ODAD3: variants seen among roughly 807,000 people sequenced by gnomAD.
ODAD3 encodes the protein outer dynein arm-docking complex subunit 3.
ODAD3 carries 57 observed loss-of-function variants against 70.9 expected under a neutral mutation model. That is an observed-to-expected ratio of 0.80 (90% CI 0.65 to 1.00). The LOEUF is 1.00. Ranked by LOEUF, ODAD3 falls within the 50% of genes least tolerant of loss-of-function variation. ODAD3 has a pLI of 0.00. For synonymous variants in ODAD3, 327 were observed against 315.9 expected (o/e 1.04, Z -0.37); for missense variants, 797 against 763.9 (o/e 1.04, Z -0.51).
At position 11,422,833 on chromosome 19, in the gene ODAD3, C is replaced by T. The variant is rs1381391963; in HGVS notation, c.1145G>A (p.Gly382Asp). 5 of 1,605,518 alleles carry T rather than the reference C, an allele frequency of 3.1e-6. No individual in the cohort carries two copies. Among genetic ancestry groups the T allele is most frequent in the Admixed American group, 3.3e-5 (2 of 60,016 alleles). The change falls in exon 9 of 13, where the codon GGC (glycine) becomes GAC (aspartate). Residue 382 changes from glycine (G) to aspartate (D), a missense_variant. Coordinates refer to ENST00000356392, the MANE Select transcript of ODAD3 (RefSeq NM_145045.5). This position sits in a 1 kb window ranked among gnomAD's most constrained non-coding sequence, Gnocchi z 4.6. ...CGTCTCCAACTGCGCGAAGGTGTCG[C>T]CCTGGGCCAGGAACCGCCGCACCAA... ...HSLVRRFLAQ[G>D]DTFAQLETLK... is the part of the protein sequence containing the mutation.
In ODAD3 at chr19:11,426,722, G is replaced by C; in HGVS notation, c.675C>G (p.His225Gln). The C allele has an allele frequency of 6.2e-7, 1 of 1,613,914 alleles. No individual in the cohort carries two copies. The highest frequency in any genetic ancestry group is 8.5e-7 in the Non-Finnish European group (1 of 1,179,880). ...KAQMKAQEAE[H>Q]ITSVYLQLKA... is the part of the protein sequence containing the mutation. Reference sequence around the variant, plus strand: ...TGAGCTGCAGGTACACGCTGGTAATGTGCTCGGCCTCCTGCGCCTTCATCT... The same window carrying C: ...TGAGCTGCAGGTACACGCTGGTAATCTGCTCGGCCTCCTGCGCCTTCATCT... The change falls in exon 5 of 13, where the codon CAC becomes CAG. Residue 225 changes from histidine (H) to glutamine (Q), a missense_variant. Coordinates refer to ENST00000356392, the MANE Select transcript of ODAD3 (RefSeq NM_145045.5).
intron 7 of ODAD3, 120 bp from the exon 8 acceptor site, chr19:11,424,149 A>G: frequency 1.6e-6 from 2 of 1,274,878 alleles, no homozygotes; most frequent in Non-Finnish European, 2.2e-6. Context: ...GAGGGAAGGG[A>G]GAGGGCAAAA....
chr19:11,426,400 G>A (rs1969375003), intron 6 of ODAD3, 46 bp downstream of exon 6: 1 of 1,612,344 alleles, frequency 6.2e-7, no homozygotes, highest in Non-Finnish European at 8.5e-7. Flanking sequence ...CAAGCTGGGA[G>A]ACCGCGGCAG....
At chr19:11,429,199 T>TTTTG (rs555923258) in intron 3 of ODAD3, among the ~76,000 whole-genome samples, 7 of 151,268 alleles carry the variant, frequency 4.6e-5, no homozygotes, top group Admixed American at 2.0e-4. Flanking sequence ...TATCTTTTGT[T>TTTTG]TTTGTTTGTT....
intron 1 of ODAD3, among the ~76,000 whole-genome samples, chr19:11,432,943 G>A (rs540594966): frequency 3.3e-4 from 50 of 152,054 alleles, no homozygotes; most frequent in Admixed American, 7.9e-4. Flanking sequence ...ACAGGCGTGC[G>A]CCACCATGCC....
At chr19:11,430,448 T>C in intron 3 of ODAD3, 1 of 528,098 alleles carries the variant, frequency 1.9e-6, no homozygotes, top group Admixed American at 3.4e-5. Flanking sequence ...GTGATGTTTT[T>C]TTTTTTAACT....
In ODAD3 at chr19:11,425,104, T is replaced by C. The variant is rs1417775896; in HGVS notation, c.963+1040A>G. Among the ~76,000 whole-genome samples the C allele has an allele frequency of 6.7e-5, 9 of 135,226 alleles. 2 individuals are homozygous for C. Among genetic ancestry groups the C allele is most frequent in the African/African-American group, 2.5e-4 (8 of 31,734 alleles). The allele number at this position is 135,226 out of a possible 152,430, so 88.7% of individuals were successfully genotyped here. Reference sequence around the variant, plus strand: ...GTATATGTACATATGTGTATATATGTATATATGTGTATATGTACATATGTG... The same window carrying C: ...GTATATGTACATATGTGTATATATGCATATATGTGTATATGTACATATGTG... On this transcript the variant is annotated intron_variant, in intron 7 of 12. Coordinates refer to ENST00000356392, the MANE Select transcript of ODAD3 (RefSeq NM_145045.5).
intron 1 of ODAD3, among the ~76,000 whole-genome samples, chr19:11,432,096 G>A (rs1969515844): frequency 1.3e-5 from 2 of 152,074 alleles, no homozygotes; most frequent in South Asian, 4.1e-4. Flanking sequence ...GGGCAACAGA[G>A]CAAGACTCTG....
At chr19:11,433,375 T>C (rs1479245385) in intron 1 of ODAD3, among the ~76,000 whole-genome samples, 1 of 152,216 alleles carries the variant, frequency 6.6e-6, no homozygotes, top group East Asian at 1.9e-4. Flanking sequence ...CTCAATGTCT[T>C]AGGACATTGC....
At chr19:11,435,675 G>T (rs1488555650), upstream of ODAD3, 1 of 1,302,876 alleles carries the variant, frequency 7.7e-7, no homozygotes, top group African/African-American at 1.5e-5. Context: ...CAAGAGGGGT[G>T]CGGTGGATAC....
intron 7 of ODAD3, among the ~76,000 whole-genome samples, chr19:11,425,144 TACATATGTATATATAC>T (rs1969277530): frequency 1.5e-5 from 2 of 130,354 alleles, no homozygotes; most frequent in South Asian, 4.7e-4. Flanking sequence ...TGTGTATATG[TACATATGTATATATAC>T]ATATGTGTAT....
chr19:11,426,200 CACTT>C lies in ODAD3; in HGVS notation c.903_906del (p.Ile301MetfsTer56), dbSNP rs759213872. On this transcript the variant is annotated frameshift_variant, in exon 7 of 13. Coordinates refer to ENST00000356392, the MANE Select transcript of ODAD3 (RefSeq NM_145045.5). LOFTEE classifies it high-confidence loss of function. ...TTCTCCTCGGCGCGCTTCTTGCACT[CACTT>C]ATGTAGCGTTCCCGCTTCTTGCGCT... 6.2e-6 allele frequency: 10 copies of C among 1,613,692 alleles called. No individual in the cohort carries two copies. Among genetic ancestry groups the C allele is most frequent in the Admixed American group, 1.7e-5 (1 of 59,976 alleles).
intron 11 of ODAD3, 114 bp downstream of exon 11, chr19:11,421,563 T>C (rs1256048124): frequency 1.5e-6 from 2 of 1,379,294 alleles, no homozygotes; most frequent in African/African-American, 1.4e-5. Flanking sequence ...CCGAGACCCC[T>C]TCCTGGCTGA....
At chr19:11,435,277 G>GTGGGCGGTCCCAACAT (rs1239185661), upstream of ODAD3, 1 of 1,185,164 alleles carries the variant, frequency 8.4e-7, no homozygotes, top group Non-Finnish European at 1.1e-6. Flanking sequence ...GGTCCCAACA[G>GTGGGCGGTCCCAACAT]TGGGCGGGGT....
Position 11,420,844 on chromosome 19 carries a change from C to G in ODAD3, c.1779G>C (p.Arg593=). Residue 593 remains arginine (R), a synonymous_variant, in exon 13 of 13, where the codon CGG becomes CGC. Coordinates refer to ENST00000356392, the MANE Select transcript of ODAD3 (RefSeq NM_145045.5). The part of the protein sequence containing the change: ...IESHKKHRRS[R]RS ...GGGTGTCAGGACGAGTCTAGGACCT[C>G]CGAGAGCGACGGTGCTTCTTGTGAC... is the stretch of plus-strand genomic sequence containing the variant. The G allele has an allele frequency of 6.2e-7, 1 of 1,613,988 alleles. No individual in the cohort carries two copies. The highest frequency in any genetic ancestry group is 1.1e-5 in the South Asian group (1 of 91,076).
In ODAD3 at chr19:11,426,459, C is replaced by T; in HGVS notation, c.827G>A (p.Arg276Gln). The T allele has an allele frequency of 1.2e-6, 2 of 1,614,004 alleles. No homozygotes were observed. The highest frequency in any genetic ancestry group is 1.7e-6 in the Non-Finnish European group (2 of 1,179,940). Residue 276 changes from arginine to glutamine, a missense_variant, in exon 6 of 13, where the codon CGG (arginine) becomes CAG (glutamine). Coordinates refer to ENST00000356392, the MANE Select transcript of ODAD3 (RefSeq NM_145045.5). ...GAGGGGTGGCACCTTGGCAATGTCC[C>T]GGGCATTGAGGGCCTCTTGGTTCAC... is the stretch of plus-strand genomic sequence containing the variant. ...HVVNQEALNA[R>Q]DIAKNQLQYL... is the part of the protein sequence containing the mutation.
chr19:11,435,721 G>C (rs1237001850), upstream of ODAD3: 1 of 1,331,778 alleles, frequency 7.5e-7, no homozygotes, highest in South Asian at 1.2e-5. Context: ...GTGTGAACGA[G>C]CGGGTGGGAG....
intron 1 of ODAD3, chr19:11,431,247 G>T (rs1261962273): frequency 3.9e-6 from 2 of 516,672 alleles, no homozygotes; most frequent in African/African-American, 1.9e-5. Context: ...AAGTAGCTGG[G>T]ATTACAGGCA....
At chr19:11,424,098 G>C (rs888388277) in intron 7 of ODAD3, 69 bp from the exon 8 acceptor site, 1 of 1,556,240 alleles carries the variant, frequency 6.4e-7, no homozygotes, top group Admixed American at 1.7e-5. Context: ...GCCGGGGAGG[G>C]GGATCCAGAT....
Sources: allele counts gnomAD v4.1 joint callset (sites outside exome capture counted in the v4.1 genomes callset), GRCh38; gene constraint gnomAD v4.1.1; non-coding constraint Gnocchi (gnomAD v3.1); transcripts MANE v1.5; gene names NCBI Gene and HGNC (gene_info 2026-07-23, HGNC 2026-07-21).